DMXL1: variants seen among roughly 807,000 people sequenced by gnomAD.
DMXL1 encodes dmX-like protein 1.
In DMXL1, 99 loss-of-function variants were observed where a neutral mutation model predicts 319.2. The observed-to-expected ratio is 0.31, with a 90% confidence interval of 0.26 to 0.37. The LOEUF (loss-of-function observed/expected upper bound fraction) is 0.37, where lower values mean the gene tolerates loss of function less well. DMXL1 is among the 10% of genes least tolerant of loss of function. DMXL1 has a pLI of 1.00. For missense variants in DMXL1, 3,745 were observed against 3,595.6 expected (o/e 1.04, Z -1.06); for synonymous variants, 1,385 against 1,235.2 (o/e 1.12, Z -2.54).
At chr5:119,169,780 G>T (rs1774183742) in intron 23 of DMXL1, among the ~76,000 whole-genome samples, 2 of 152,122 alleles carry the variant, frequency 1.3e-5, no homozygotes, top group Non-Finnish European at 2.9e-5. Context: ...TCAACTCAGG[G>T]AATATAGATA....
At chr5:119,210,195 C>T (rs1223353185) in intron 34 of DMXL1, among the ~76,000 whole-genome samples, 2 of 152,124 alleles carry the variant, frequency 1.3e-5, no homozygotes, top group African/African-American at 4.8e-5. Flanking sequence ...AAGTGATCTG[C>T]CCACCTCGGC....
intron 7 of DMXL1, among the ~76,000 whole-genome samples, chr5:119,117,676 G>A (rs748401428): frequency 9.2e-5 from 14 of 152,018 alleles, no homozygotes; most frequent in Non-Finnish European, 1.8e-4. Flanking sequence ...GCCCGGAGAG[G>A]AGGTAGAAAG....
intron 1 of DMXL1, among the ~76,000 whole-genome samples, chr5:119,094,304 CT>C (rs2149761605): frequency 6.6e-6 from 1 of 152,250 alleles, no homozygotes; most frequent in Non-Finnish European, 1.5e-5. Context: ...GCCGAGAATC[CT>C]AGAGTCTTTA....
chr5:119,137,704 T>C lies in DMXL1; in HGVS notation c.2376+3315T>C, dbSNP rs143404386. Among the ~76,000 whole-genome samples the C allele has an allele frequency of 8.2e-3, 1,255 of 152,316 alleles. 28 individuals are homozygous for C. The highest frequency in any genetic ancestry group is 0.028 in the African/African-American group (1,167 of 41,576). ...GCATGCTTTCTTTCCTGCCACCTTG[T>C]GAAGAAGGTGCTTGCTTCTCCTTCA... On this transcript the variant is annotated intron_variant, in intron 13 of 43. Coordinates refer to ENST00000539542, the MANE Select transcript of DMXL1 (RefSeq NM_001290321.3).
At chr5:119,210,927 A>G (rs754774602) in intron 34 of DMXL1, among the ~76,000 whole-genome samples, 3 of 150,894 alleles carry the variant, frequency 2.0e-5, no homozygotes, top group Non-Finnish European at 3.0e-5. Context: ...TGCCCTTTAT[A>G]AGTTTGAGGA....
chr5:119,193,414 G>A (rs982269617), intron 29 of DMXL1, among the ~76,000 whole-genome samples: 8 of 151,836 alleles, frequency 5.3e-5, no homozygotes, highest in Admixed American at 2.0e-4. Context: ...TTTAGTTCTC[G>A]TACTTTTCAA....
chr5:119,217,756 T>C (rs1783936692), intron 35 of DMXL1, among the ~76,000 whole-genome samples: 1 of 152,208 alleles, frequency 6.6e-6, no homozygotes, highest in African/African-American at 2.4e-5. Flanking sequence ...GTAATATGTA[T>C]ATGTAATATG....
At chr5:119,206,115 G>A (rs1316367821) in intron 33 of DMXL1, among the ~76,000 whole-genome samples, 2 of 151,918 alleles carry the variant, frequency 1.3e-5, no homozygotes, top group South Asian at 2.1e-4. Flanking sequence ...AAAATAGAAT[G>A]TCCTCCCTTT....
chr5:119,231,943 G>A (rs566775783), intron 38 of DMXL1, among the ~76,000 whole-genome samples: 3 of 152,178 alleles, frequency 2.0e-5, no homozygotes, highest in African/African-American at 7.2e-5. Flanking sequence ...AGCTGTCTTA[G>A]CCTAATAGCC....
intron 1 of DMXL1, among the ~76,000 whole-genome samples, chr5:119,090,246 C>G (rs943559763): frequency 2.2e-4 from 33 of 151,458 alleles, no homozygotes; most frequent in African/African-American, 6.6e-4. Context: ...GTCTGGAACT[C>G]CGGACCTCAG....
At chr5:119,128,415 C>T (rs1463716931) in intron 9 of DMXL1, 2 of 207,942 alleles carry the variant, frequency 9.6e-6, no homozygotes, top group Admixed American at 4.8e-5. Flanking sequence ...TGCTTCTCTC[C>T]TCAGCAGCAG....
Position 119,165,286 on chromosome 5 carries a change from TAAAAAAAA to T in DMXL1, c.4970+17_4970+24del. 10 of 884,104 alleles carry T rather than the reference TAAAAAAAA, an allele frequency of 1.1e-5. No individual in the cohort carries two copies. The highest frequency in any genetic ancestry group is 1.9e-5 in the South Asian group (1 of 51,498). 54.8% of individuals were successfully genotyped at this position (884,104 alleles called of 1,614,324 possible). On this transcript the variant is annotated splice_region_variant and intron_variant, in intron 21 of 43. Coordinates refer to ENST00000539542, the MANE Select transcript of DMXL1 (RefSeq NM_001290321.3). ...GTGATTTGGGGATTATATAGGTAGG[TAAAAAAAA>T]AAAAAAAAAAGGGTGCTTCAATGTG...
chr5:119,194,022 A>G, intron 30 of DMXL1, 52 bp downstream of exon 30: 5 of 1,291,370 alleles, frequency 3.9e-6, no homozygotes, highest in Non-Finnish European at 5.1e-6. Flanking sequence ...GTGTATATAA[A>G]TAATATTTTT....
intron 32 of DMXL1, among the ~76,000 whole-genome samples, chr5:119,201,850 G>A (rs1780764970): frequency 6.6e-6 from 1 of 152,098 alleles, no homozygotes; most frequent in Non-Finnish European, 1.5e-5. Flanking sequence ...TGTAGTCTGT[G>A]TGCATAGAGG....
intron 1 of DMXL1, among the ~76,000 whole-genome samples, chr5:119,079,231 G>C (rs562168015): frequency 7.4e-4 from 113 of 152,234 alleles, no homozygotes; most frequent in African/African-American, 2.6e-3. Context: ...TCAGATGGCA[G>C]CTCCCTCATT....
intron 13 of DMXL1, among the ~76,000 whole-genome samples, chr5:119,139,737 GAT>G (rs1176043877): frequency 6.6e-6 from 1 of 152,142 alleles, no homozygotes. Context: ...GAGTAACAGA[GAT>G]ATTCCGGACC....
intron 35 of DMXL1, among the ~76,000 whole-genome samples, chr5:119,218,426 ATTTAT>A (rs1218226274): frequency 1.1e-4 from 17 of 151,850 alleles, no homozygotes; most frequent in South Asian, 8.3e-4. Flanking sequence ...TGCTATTTTT[ATTTAT>A]TTTATTTTAT....
chr5:119,168,099 A>G (rs1773802434), intron 23 of DMXL1, among the ~76,000 whole-genome samples: 1 of 152,216 alleles, frequency 6.6e-6, no homozygotes, highest in Non-Finnish European at 1.5e-5. Flanking sequence ...GAACATAAAT[A>G]TTGTCAACAC....
chr5:119,190,132 T>C lies in DMXL1; in HGVS notation c.7314+246T>C, dbSNP rs1489077606. Among the ~76,000 whole-genome samples, 5 of 152,058 alleles carry C rather than the reference T, an allele frequency of 3.3e-5. No individual in the cohort carries two copies. The East Asian group carries it at 9.6e-4, about 29-fold the overall frequency. On this transcript the variant is annotated intron_variant, in intron 29 of 43. Transcript: ENST00000539542. ...TTTAAACAATAGCTTTTGCATTTTA[T>C]TATATTTCTTATAAGATAAAAGAGA... is the stretch of plus-strand genomic sequence containing the variant.
Sources: allele counts gnomAD v4.1 joint callset (sites outside exome capture counted in the v4.1 genomes callset), GRCh38; gene constraint gnomAD v4.1.1; transcripts MANE v1.5; gene names NCBI Gene and HGNC (gene_info 2026-07-23, HGNC 2026-07-21).